SLC37A3: variants seen among roughly 807,000 people sequenced by gnomAD.
SLC37A3 encodes the protein sugar phosphate exchanger 3.
A neutral mutation model predicts 67.1 loss-of-function variants in SLC37A3; 51 were observed. That is an observed-to-expected ratio of 0.76 (90% CI 0.61 to 0.96). The LOEUF (loss-of-function observed/expected upper bound fraction) is 0.96. Among genes scored for constraint, SLC37A3 ranks in the 40% least tolerant of loss-of-function variants. The pLI is 0.00. For missense variants in SLC37A3, 508 were observed against 603.0 expected, an observed-to-expected ratio of 0.84 and a Z score of 1.65; for synonymous variants, 214 against 231.4, an observed-to-expected ratio of 0.92 and a Z score of 0.68.
chr7:140,395,990 G>A (rs538407019), intron 1 of SLC37A3, among the ~76,000 whole-genome samples: 14 of 151,748 alleles, frequency 9.2e-5, no homozygotes, highest in Admixed American at 3.9e-4. Context: ...GCAGTTTAGC[G>A]TCTCAATGCT....
chr7:140,360,243 G>A (rs372648450), intron 5 of SLC37A3, among the ~76,000 whole-genome samples: 3 of 152,240 alleles, frequency 2.0e-5, no homozygotes, highest in South Asian at 4.1e-4. Flanking sequence ...CTACACGGGA[G>A]GCTAAAATGG....
chr7:140,383,669 T>C (rs980064965), intron 1 of SLC37A3, among the ~76,000 whole-genome samples: 4 of 151,832 alleles, frequency 2.6e-5, no homozygotes, highest in African/African-American at 4.8e-5. Flanking sequence ...CTTCCACTAC[T>C]TCCAGTGGCT....
intron 3 of SLC37A3, among the ~76,000 whole-genome samples, chr7:140,376,864 CCA>C (rs1798051338): frequency 6.6e-6 from 1 of 152,034 alleles, no homozygotes; most frequent in African/African-American, 2.4e-5. Flanking sequence ...GCCTTGACCT[CCA>C]GAGACCAAAT....
Position 140,369,664 on chromosome 7 carries a change from A to AGGCC in SLC37A3, c.216_217insGGCC (p.Leu73GlyfsTer135). On this transcript the variant is annotated frameshift_variant, in exon 4 of 15. Transcript: ENST00000326232. LOFTEE classifies it high-confidence loss of function. Reference sequence around the variant, plus strand: ...GTCGCTTTCTCTGCACTGGGGAACAAATGGTTGCTGCTCCAGATCTACAGT... The same window carrying AGGCC: ...GTCGCTTTCTCTGCACTGGGGAACAAGGCCATGGTTGCTGCTCCAGATCTACAGT... The AGGCC allele has an allele frequency of 1.9e-6, 3 of 1,614,016 alleles. No individual in the cohort carries two copies. Among genetic ancestry groups the AGGCC allele is most frequent in the Non-Finnish European group, 2.5e-6 (3 of 1,180,000 alleles).
intron 3 of SLC37A3, among the ~76,000 whole-genome samples, chr7:140,374,984 A>G (rs541798172): frequency 6.5e-4 from 98 of 151,886 alleles, no homozygotes; most frequent in African/African-American, 2.2e-3. Context: ...CATCTCTACT[A>G]AAAATACAAA....
At chr7:140,382,693 T>C (rs975148633) in intron 1 of SLC37A3, 97 bp from the exon 2 acceptor site, 12 of 543,646 alleles carry the variant, frequency 2.2e-5, no homozygotes, top group Non-Finnish European at 3.8e-5. Context: ...AATCAGGCCT[T>C]GTGGGAAAAA....
chr7:140,396,790 A>G (rs968772291), intron 1 of SLC37A3, among the ~76,000 whole-genome samples: 13 of 152,046 alleles, frequency 8.6e-5, no homozygotes, highest in African/African-American at 2.9e-4. Context: ...GAAATCAAAC[A>G]CTAATAGAAG....
chr7:140,352,074 G>C lies in SLC37A3; in HGVS notation c.691C>G (p.Pro231Ala). 6.2e-7 allele frequency: 1 copy of C among 1,611,878 alleles called. No homozygotes were observed. The highest frequency in any genetic ancestry group is 8.5e-7 in the Non-Finnish European group (1 of 1,179,266). The stretch of plus-strand genomic sequence containing the variant: ...GGCTTCTCCTCACCAATTTCTTCTG[G>C]TGACACCAGGAGTCCAAAGAAGATA... ...IVIFFGLLVS[P>A]EEIGLSGIEA... The change falls in exon 8 of 15, where the codon CCA becomes GCA. Residue 231 changes from proline (P) to alanine (A), a missense_variant. By Grantham distance (27) the Pro-to-Ala change is conservative (BLOSUM62 -1). Transcript: ENST00000326232.
intron 11 of SLC37A3, 132 bp downstream of exon 11, chr7:140,345,737 C>A: frequency 1.4e-6 from 1 of 715,866 alleles, no homozygotes; most frequent in Non-Finnish European, 2.6e-6. Context: ...CAGGACAATG[C>A]AAAGGTGGCA....
chr7:140,390,934 T>C (rs1798703830), intron 1 of SLC37A3, among the ~76,000 whole-genome samples: 1 of 152,130 alleles, frequency 6.6e-6, no homozygotes, highest in South Asian at 2.1e-4. Flanking sequence ...TGCCCTTCCT[T>C]GTCTCTGTCC....
intron 11 of SLC37A3, 78 bp downstream of exon 11, chr7:140,345,790 GT>G (rs1207823320): frequency 2.8e-5 from 32 of 1,140,842 alleles, no homozygotes; most frequent in Non-Finnish European, 4.0e-5. Context: ...CCCAGCACTG[GT>G]CACTGACTCC....
intron 6 of SLC37A3, among the ~76,000 whole-genome samples, chr7:140,358,131 T>C (rs1797110518): frequency 6.6e-6 from 1 of 152,028 alleles, no homozygotes; most frequent in Non-Finnish European, 1.5e-5. Context: ...AATACCCCAT[T>C]TGATCAAGCC....
At chr7:140,375,902 G>A (rs1057338253) in intron 3 of SLC37A3, among the ~76,000 whole-genome samples, 9 of 152,164 alleles carry the variant, frequency 5.9e-5, no homozygotes, top group Admixed American at 2.0e-4. Flanking sequence ...GGCCCTAAAT[G>A]TCTTCAATTA....
intron 5 of SLC37A3, among the ~76,000 whole-genome samples, chr7:140,363,700 ATAAAT>A (rs1337859865): frequency 7.9e-5 from 7 of 88,682 alleles, no homozygotes; most frequent in South Asian, 5.0e-4. Context: ...TAAAAAAAAA[ATAAAT>A]AAAAAAATAA....
chr7:140,389,677 G>A (rs1023866138), intron 1 of SLC37A3, among the ~76,000 whole-genome samples: 19 of 152,246 alleles, frequency 1.2e-4, no homozygotes, highest in African/African-American at 2.9e-4. Flanking sequence ...ACAATAGTGC[G>A]CAATCACTGC....
chr7:140,335,075 T>G lies in SLC37A3; in HGVS notation c.*337A>C. 1 of 762,812 alleles carries G rather than the reference T, an allele frequency of 1.3e-6. No individual in the cohort carries two copies. Among genetic ancestry groups the G allele is most frequent in the Non-Finnish European group, 2.0e-6 (1 of 490,098 alleles). The allele number at this position is 762,812 out of a possible 1,614,324, so 47.3% of individuals were successfully genotyped here. A position where few individuals can be genotyped will look rare whatever the true frequency, so the allele number is the denominator to read the frequency against. On this transcript the variant is annotated 3_prime_UTR_variant, in exon 15 of 15. Coordinates refer to ENST00000326232, the MANE Select transcript of SLC37A3 (RefSeq NM_207113.3). ...ACTCCATTTTCAAGGCTAGAGAAAG[T>G]TCAAGTCCAAAACAACAGTTAAGGT...
At chr7:140,365,620 C>T (rs1797566352) in intron 4 of SLC37A3, among the ~76,000 whole-genome samples, 1 of 152,088 alleles carries the variant, frequency 6.6e-6, no homozygotes, top group Non-Finnish European at 1.5e-5. Context: ...ACTTGGGAGG[C>T]TGAGGCAGGA....
At chr7:140,360,011 G>A (rs1329125656) in intron 5 of SLC37A3, among the ~76,000 whole-genome samples, 1 of 152,076 alleles carries the variant, frequency 6.6e-6, no homozygotes, top group African/African-American at 2.4e-5. Context: ...AAAATGTCAA[G>A]GGGAAAAAAG....
intron 5 of SLC37A3, among the ~76,000 whole-genome samples, chr7:140,359,411 T>C (rs1264633114): frequency 6.6e-6 from 1 of 151,464 alleles, no homozygotes; most frequent in Admixed American, 6.6e-5. Flanking sequence ...AGACTGTGCA[T>C]GTGGAGGGAA....
Sources: allele counts gnomAD v4.1 joint callset (sites outside exome capture counted in the v4.1 genomes callset), GRCh38; gene constraint gnomAD v4.1.1; transcripts MANE v1.5; gene names NCBI Gene and HGNC (gene_info 2026-07-23, HGNC 2026-07-21).